The following CSNK2A1 variants were observed in gnomAD, a reference collection of about 807,000 sequenced individuals.
CSNK2A1 encodes the protein casein kinase II subunit alpha.
CSNK2A1 carries 10 observed loss-of-function variants against 62.9 expected under a neutral mutation model. The observed-to-expected ratio is 0.16, with a 90% CI of 0.10 to 0.27. CSNK2A1 has a LOEUF of 0.27. CSNK2A1 is among the 10% of genes least tolerant of loss of function. CSNK2A1 has a pLI of 1.00. For missense variants in CSNK2A1, 160 were observed against 492.0 expected (o/e 0.33, Z 6.38); for synonymous variants, 124 against 167.8 (o/e 0.74, Z 2.02).
rs2017992214 is a variant in CSNK2A1, at chr20:483,299, T to C, written c.*662A>G. On this transcript the variant is annotated 3_prime_UTR_variant, in exon 14 of 14. Transcript: ENST00000217244. The stretch of plus-strand genomic sequence containing the variant: ...TAGATCAGTAAGACATGATTCTTAC[T>C]GAACAGAAGTTTTTAGTATCTGTCT... The C allele has an allele frequency of 6.6e-6, 1 of 152,204 alleles. No individual in the cohort carries two copies. The highest frequency in any genetic ancestry group is 1.5e-5 in the Non-Finnish European group (1 of 68,028). 9.4% of individuals were successfully genotyped at this position (152,204 alleles called of 1,614,324 possible).
At position 508,628 on chromosome 20, in the gene CSNK2A1, G is replaced by C; in HGVS notation, c.-77C>G. 1.4e-6 allele frequency: 2 copies of C among 1,445,938 alleles called. No individual in the cohort carries two copies. Among genetic ancestry groups the C allele is most frequent in the Non-Finnish European group, 1.9e-6 (2 of 1,046,594 alleles). 89.6% of individuals were successfully genotyped at this position (1,445,938 alleles called of 1,614,324 possible). A position where few individuals can be genotyped will look rare whatever the true frequency, so the allele number is the denominator to read the frequency against. On this transcript the variant is annotated 5_prime_UTR_variant, in exon 3 of 14. Coordinates refer to ENST00000217244, the MANE Select transcript of CSNK2A1 (RefSeq NM_177559.3). Reference sequence around the variant, plus strand: ...TCACTGTGTTCAGAAGCAGCTGGGGGTAAGACCTTGTTTCAGACCTGTTTT... The same window carrying C: ...TCACTGTGTTCAGAAGCAGCTGGGGCTAAGACCTTGTTTCAGACCTGTTTT...
Position 486,405 on chromosome 20 carries a change from G to A in CSNK2A1, c.1031C>T (p.Thr344Met), listed in dbSNP as rs1465876027. The A allele has an allele frequency of 6.2e-6, 10 of 1,613,092 alleles. No homozygotes were observed. The highest frequency in any genetic ancestry group is 3.3e-5 in the Admixed American group (2 of 59,872). ...MGSSSMPGGS[T>M]PVSSANMMSG... ...CATCATATTGGCGCTGCTGACGGGCGTACTGCCCCCTGGCATGCTAGATGA... is the reference window on the plus strand; with the variant it reads ...CATCATATTGGCGCTGCTGACGGGCATACTGCCCCCTGGCATGCTAGATGA... The change falls in exon 13 of 14, where the codon ACG (threonine) becomes ATG (methionine). Residue 344 changes from threonine (T) to methionine (M), a missense_variant. Coordinates refer to ENST00000217244, the MANE Select transcript of CSNK2A1 (RefSeq NM_177559.3).
chr20:525,751 T>C (rs1600408543), intron 2 of CSNK2A1, among the ~76,000 whole-genome samples: 1 of 144,288 alleles, frequency 6.9e-6, no homozygotes, highest in Non-Finnish European at 1.5e-5. Flanking sequence ...GGCCAAGGTG[T>C]GAGGATTGCT....
intron 2 of CSNK2A1, among the ~76,000 whole-genome samples, chr20:520,675 T>A (rs2018927586): frequency 6.6e-6 from 1 of 152,122 alleles, no homozygotes; most frequent in Non-Finnish European, 1.5e-5. Flanking sequence ...AATTTTTGTA[T>A]TTTTAGTAGA....
At chr20:484,150 T>C (rs1205160943) in intron 13 of CSNK2A1, 74 bp from the exon 14 acceptor site, 3 of 1,214,094 alleles carry the variant, frequency 2.5e-6, no homozygotes, top group Non-Finnish European at 2.2e-6. Context: ...TAGCACTCAC[T>C]GCAAAAGGAA....
intron 1 of CSNK2A1, among the ~76,000 whole-genome samples, chr20:540,380 C>A (rs889037667): frequency 1.3e-5 from 2 of 152,230 alleles, no homozygotes; most frequent in African/African-American, 4.8e-5. Flanking sequence ...GCAAATTTGG[C>A]TTTCCATATA....
chr20:477,729 C>T lies in CSNK2A1; in HGVS notation c.*6232G>A, dbSNP rs157802. On this transcript the variant is annotated 3_prime_UTR_variant, in exon 14 of 14. Transcript: ENST00000217244. The stretch of plus-strand genomic sequence containing the variant: ...CACTTAGGCTGGGCGCAGTGGCTCA[C>T]GCCTGTAATCCCACCACTTTGGGAG... 42,556 of 152,230 alleles carry T rather than the reference C, an allele frequency of 0.28. 7,631 individuals carry two copies. Among genetic ancestry groups the T allele is most frequent in the Non-Finnish European group, 0.41 (28,159 of 68,082 alleles). 9.4% of individuals were successfully genotyped at this position (152,230 alleles called of 1,614,324 possible). A position where few individuals can be genotyped will look rare whatever the true frequency, so the allele number is the denominator to read the frequency against.
chr20:486,553 G>C (rs1018372673), intron 12 of CSNK2A1, 91 bp from the exon 13 acceptor site: 7 of 1,381,322 alleles, frequency 5.1e-6, no homozygotes, highest in African/African-American at 4.4e-5. Context: ...TTCATTCTTT[G>C]CAATTTATAT....
At position 499,142 on chromosome 20, in the gene CSNK2A1, G is replaced by C. The variant is rs1186452782; in HGVS notation, c.366+113C>G. 2.3e-6 allele frequency: 2 copies of C among 875,306 alleles called. No homozygotes were observed. Among genetic ancestry groups the C allele is most frequent in the South Asian group, 2.9e-5 (1 of 33,988 alleles). 54.2% of individuals were successfully genotyped at this position (875,306 alleles called of 1,614,324 possible). A position where few individuals can be genotyped will look rare whatever the true frequency, so the allele number is the denominator to read the frequency against. On this transcript the variant is annotated intron_variant, in intron 6 of 13. Coordinates refer to ENST00000217244, the MANE Select transcript of CSNK2A1 (RefSeq NM_177559.3). The surrounding 1 kb of genome is among the most constrained non-coding windows in gnomAD (Gnocchi z 4.2). ...TCTATCTTAAAATTTGCACTGTAAG[G>C]ATGAAAAGCTTTTTAAAAACAAATG... is the stretch of plus-strand genomic sequence containing the variant.
chr20:520,577 G>A (rs1226336885), intron 2 of CSNK2A1, among the ~76,000 whole-genome samples: 1 of 152,114 alleles, frequency 6.6e-6, no homozygotes, highest in Non-Finnish European at 1.5e-5. Flanking sequence ...TCAACTCACT[G>A]CAACCTCCGC....
chr20:483,410 T>C lies in CSNK2A1; in HGVS notation c.*551A>G, dbSNP rs1279957527. The C allele has an allele frequency of 6.6e-6, 1 of 152,384 alleles. No homozygotes were observed. The highest frequency in any genetic ancestry group is 2.4e-5 in the African/African-American group (1 of 41,406). The allele number at this position is 152,384 out of a possible 1,614,324, so 9.4% of individuals were successfully genotyped here. Reference sequence around the variant, plus strand: ...TAGGATAACCCCACTGAAGCGCTTATGGAGTAAAGTGATGTAAGCGACCAG... The same window carrying C: ...TAGGATAACCCCACTGAAGCGCTTACGGAGTAAAGTGATGTAAGCGACCAG... On this transcript the variant is annotated 3_prime_UTR_variant, in exon 14 of 14. Coordinates refer to ENST00000217244, the MANE Select transcript of CSNK2A1 (RefSeq NM_177559.3).
chr20:479,791 C>G lies in CSNK2A1; in HGVS notation c.*4170G>C, dbSNP rs895410299. The stretch of plus-strand genomic sequence containing the variant: ...TCTGAATTTCGTATTACACGTTGAG[C>G]ATTTCTAATTTGAAAATACAAAATC... On this transcript the variant is annotated 3_prime_UTR_variant, in exon 14 of 14. Coordinates refer to ENST00000217244, the MANE Select transcript of CSNK2A1 (RefSeq NM_177559.3). 1 of 152,152 alleles carries G rather than the reference C, an allele frequency of 6.6e-6. No homozygotes were observed. Among genetic ancestry groups the G allele is most frequent in the Admixed American group, 6.5e-5 (1 of 15,284 alleles). The allele number at this position is 152,152 out of a possible 1,614,324, so 9.4% of individuals were successfully genotyped here.
chr20:503,022 T>C (rs1406200951), intron 4 of CSNK2A1: 1 of 152,518 alleles, frequency 6.6e-6, no homozygotes, highest in African/African-American at 2.4e-5. Flanking sequence ...ATGCTTTTCA[T>C]GTGGCTCTAA....
At chr20:540,576 C>CCA (rs1033897773) in intron 1 of CSNK2A1, among the ~76,000 whole-genome samples, 23 of 152,202 alleles carry the variant, frequency 1.5e-4, no homozygotes, top group African/African-American at 5.3e-4. Flanking sequence ...ACTCTGCCAC[C>CCA]CAGGCTGGAG....
chr20:522,975 C>A (rs1198214649), intron 2 of CSNK2A1, among the ~76,000 whole-genome samples: 3 of 152,156 alleles, frequency 2.0e-5, no homozygotes, highest in Non-Finnish European at 2.9e-5. Context: ...CCATGACTGG[C>A]CCAGTTTCTT....
At chr20:508,958 T>C (rs2018661203) in intron 2 of CSNK2A1, among the ~76,000 whole-genome samples, 1 of 152,236 alleles carries the variant, frequency 6.6e-6, no homozygotes. Flanking sequence ...GCATTGAGGA[T>C]AGATACATCA....
In CSNK2A1 at chr20:543,778, C is replaced by T. The variant is rs902754863; in HGVS notation, c.-333G>A. 2.5e-6 allele frequency: 1 copy of T among 398,474 alleles called. No homozygotes were observed. The highest frequency in any genetic ancestry group is 4.4e-6 in the Non-Finnish European group (1 of 226,012). The allele number at this position is 398,474 out of a possible 1,614,324, so 24.7% of individuals were successfully genotyped here. A position where few individuals can be genotyped will look rare whatever the true frequency, so the allele number is the denominator to read the frequency against. ...ACGGCTCGGCCGCCAGCCGCAGGGA[C>T]CAGAGCGAGGCTGCAGCCGCTGCTG... is the stretch of plus-strand genomic sequence containing the variant. On this transcript the variant is annotated 5_prime_UTR_variant, in exon 1 of 14. Transcript: ENST00000217244.
chr20:503,313 A>G (rs1388435388), intron 4 of CSNK2A1: 2 of 394,344 alleles, frequency 5.1e-6, no homozygotes, highest in African/African-American at 4.1e-5. Context: ...CTCAGCCAAC[A>G]TTCTTTTTAA....
Position 478,660 on chromosome 20 carries a change from G to C in CSNK2A1, c.*5301C>G, listed in dbSNP as rs1156711329. 2 of 433,540 alleles carry C rather than the reference G, an allele frequency of 4.6e-6. No homozygotes were observed. The highest frequency in any genetic ancestry group is 9.2e-6 in the Non-Finnish European group (2 of 217,374). 26.9% of individuals were successfully genotyped at this position (433,540 alleles called of 1,614,324 possible). A position where few individuals can be genotyped will look rare whatever the true frequency, so the allele number is the denominator to read the frequency against. ...GAATCCCTAGTGGGCCAGGTGTGGT[G>C]GCTCATGCCTCTAATCTCAGCACTT... is the stretch of plus-strand genomic sequence containing the variant. On this transcript the variant is annotated 3_prime_UTR_variant, in exon 14 of 14. Transcript: ENST00000217244.
Sources: allele counts gnomAD v4.1 joint callset (sites outside exome capture counted in the v4.1 genomes callset), GRCh38; gene constraint gnomAD v4.1.1; non-coding constraint Gnocchi (gnomAD v3.1); transcripts MANE v1.5; gene names NCBI Gene and HGNC (gene_info 2026-07-23, HGNC 2026-07-21).